IFT81: variants seen among roughly 807,000 people sequenced by gnomAD.
IFT81 encodes intraflagellar transport protein 81 homolog.
In IFT81, 72 loss-of-function variants were observed where a neutral mutation model predicts 102.6. The observed-to-expected ratio is 0.70, with a 90% CI of 0.58 to 0.85. IFT81 has a LOEUF of 0.85. IFT81 is among the 40% of genes least tolerant of loss of function. The pLI, the probability that IFT81 is intolerant of heterozygous loss-of-function variation, is 0.00. For synonymous variants in IFT81, 237 were observed against 242.7 expected (o/e 0.98, Z 0.22); for missense variants, 723 against 787.3 (o/e 0.92, Z 0.98).
At chr12:110,138,629 C>T (rs1184988263) in intron 8 of IFT81, among the ~76,000 whole-genome samples, 1 of 152,150 alleles carries the variant, frequency 6.6e-6, no homozygotes, top group Non-Finnish European at 1.5e-5. Context: ...GACGGGGTTT[C>T]TCCATGTTGG....
At chr12:110,172,803 C>G (rs369681765) in intron 11 of IFT81, among the ~76,000 whole-genome samples, 1 of 151,898 alleles carries the variant, frequency 6.6e-6, no homozygotes, top group Non-Finnish European at 1.5e-5. Context: ...TCTGCCCGGC[C>G]GCCACCCCGT....
chr12:110,132,255 G>C (rs140949871), intron 4 of IFT81, among the ~76,000 whole-genome samples: 2,558 of 152,140 alleles, frequency 0.017, 34 homozygotes, highest in South Asian at 0.054. Flanking sequence ...ATGAGGTCAG[G>C]AGTTCGAGAC....
rs1222136752 is a variant in IFT81 at position 110,139,866 on chromosome 12, TATAAAATAAAATAAA to T, written c.781+3033_781+3047del. ...ATAAAATAAATAAAATAAAATAAAA[TATAAAATAAAATAAA>T]ATAAAATAAAATAAAATAAAATAAA... On this transcript the variant is annotated intron_variant, in intron 8 of 18. Transcript: ENST00000242591. Among the ~76,000 whole-genome samples the T allele has an allele frequency of 3.2e-4, 41 of 130,080 alleles. 1 individual carries two copies. The highest frequency in any genetic ancestry group is 2.0e-4 in the East Asian group (1 of 4,960). The allele number at this position is 130,080 out of a possible 152,430, so 85.3% of individuals were successfully genotyped here.
chr12:110,142,216 C>T (rs1324851682), intron 8 of IFT81, among the ~76,000 whole-genome samples: 5 of 152,058 alleles, frequency 3.3e-5, no homozygotes, highest in African/African-American at 1.2e-4. Context: ...GGCTGGAGTG[C>T]AGTGATGGTG....
chr12:110,198,768 G>A (rs1356268791), intron 14 of IFT81, among the ~76,000 whole-genome samples: 1 of 148,948 alleles, frequency 6.7e-6, no homozygotes, highest in Non-Finnish European at 1.5e-5. Flanking sequence ...TTCAATGACT[G>A]TCTTTTTCAT....
intron 8 of IFT81, among the ~76,000 whole-genome samples, chr12:110,138,081 T>A (rs1410836765): frequency 6.6e-6 from 1 of 152,160 alleles, no homozygotes; most frequent in African/African-American, 2.4e-5. Flanking sequence ...AAGCTCTCAT[T>A]TGTACTGGAG....
At chr12:110,192,900 G>T (rs1897858096) in intron 14 of IFT81, among the ~76,000 whole-genome samples, 194 bp downstream of exon 14, 1 of 152,156 alleles carries the variant, frequency 6.6e-6, no homozygotes, top group Non-Finnish European at 1.5e-5. Flanking sequence ...GGTGGCTTAT[G>T]CCTGTAATCC....
At chr12:110,130,620 G>T (rs1284009755) in intron 4 of IFT81, among the ~76,000 whole-genome samples, 1 of 151,958 alleles carries the variant, frequency 6.6e-6, no homozygotes, top group South Asian at 2.1e-4. Flanking sequence ...TGCCCACCTC[G>T]GGTTCCAAAG....
In IFT81 at chr12:110,201,638, G is replaced by T. The variant is rs1408705794; in HGVS notation, c.1558-2226G>T. Among the ~76,000 whole-genome samples the T allele has an allele frequency of 2.0e-5, 3 of 151,722 alleles. No individual in the cohort carries two copies. In the East Asian group the frequency reaches 5.8e-4, roughly 29 times the overall value. Reference sequence around the variant, plus strand: ...TTATTTATTTATTTTGTAGAGGTGGGGTCTTGTTATGTTGCCTGTGCTTGT... The same window carrying T: ...TTATTTATTTATTTTGTAGAGGTGGTGTCTTGTTATGTTGCCTGTGCTTGT... On this transcript the variant is annotated intron_variant, in intron 14 of 18. Coordinates refer to ENST00000242591, the MANE Select transcript of IFT81 (RefSeq NM_014055.4).
intron 13 of IFT81, 63 bp from the exon 14 acceptor site, chr12:110,192,554 C>A: frequency 1.2e-6 from 1 of 810,328 alleles, no homozygotes; most frequent in Non-Finnish European, 2.0e-6. Context: ...TATCTTTATG[C>A]ATGTAGTATT....
intron 13 of IFT81, 64 bp from the exon 14 acceptor site, chr12:110,192,553 G>T: frequency 2.5e-6 from 2 of 808,794 alleles, no homozygotes; most frequent in Admixed American, 2.5e-5. Flanking sequence ...ATATCTTTAT[G>T]CATGTAGTAT....
chr12:110,204,647 G>A (rs1430064510), intron 15 of IFT81: 8 of 152,086 alleles, frequency 5.3e-5, no homozygotes, highest in East Asian at 1.9e-4. Flanking sequence ...CTAACTCTTC[G>A]CCCTCCCTTC....
chr12:110,126,641 A>G (rs1893859758), intron 1 of IFT81, among the ~76,000 whole-genome samples: 2 of 152,252 alleles, frequency 1.3e-5, no homozygotes. Flanking sequence ...GTGCCAGATC[A>G]TAAAGAGTCT....
At chr12:110,150,637 AT>A (rs1330685647) in intron 10 of IFT81, among the ~76,000 whole-genome samples, 1 of 152,150 alleles carries the variant, frequency 6.6e-6, no homozygotes, top group East Asian at 1.9e-4. Context: ...TAAATTTATC[AT>A]TTTTATAATA....
At chr12:110,205,304 G>C (rs1007258173) in intron 15 of IFT81, 139 bp from the exon 16 acceptor site, 2 of 859,922 alleles carry the variant, frequency 2.3e-6, no homozygotes, top group African/African-American at 3.5e-5. Context: ...ATCTCTTATT[G>C]TGCTAGAATA....
At chr12:110,129,266 T>C in intron 4 of IFT81, 136 bp downstream of exon 4, 1 of 606,760 alleles carries the variant, frequency 1.6e-6, no homozygotes. Flanking sequence ...TATCAGCTAA[T>C]GTTCAACTAT....
chr12:110,206,374 A>G (rs964850052), intron 17 of IFT81, among the ~76,000 whole-genome samples: 2 of 152,248 alleles, frequency 1.3e-5, no homozygotes, highest in Non-Finnish European at 2.9e-5. Flanking sequence ...GCAATCATTG[A>G]ACAACATAAG....
intron 12 of IFT81, among the ~76,000 whole-genome samples, chr12:110,185,208 CAG>C (rs1210484200): frequency 6.6e-6 from 1 of 151,850 alleles, no homozygotes; most frequent in Non-Finnish European, 1.5e-5. Context: ...TTTTTTGAGA[CAG>C]AGTCTCTCTC....
At chr12:110,216,633 T>C (rs1395115552) in intron 18 of IFT81, 1 of 443,008 alleles carries the variant, frequency 2.3e-6, no homozygotes, top group Non-Finnish European at 4.5e-6. Flanking sequence ...GCCTCAGCCT[T>C]CTGAGTAGCT....
Sources: allele counts gnomAD v4.1 joint callset (sites outside exome capture counted in the v4.1 genomes callset), GRCh38; gene constraint gnomAD v4.1.1; transcripts MANE v1.5; gene names NCBI Gene and HGNC (gene_info 2026-07-23, HGNC 2026-07-21).